Variants in IDH3A observed in about 807,000 individuals in gnomAD.
IDH3A encodes isocitrate dehydrogenase (NAD(+)) 3 catalytic subunit alpha, also known as isocitrate dehydrogenase [NAD] subunit alpha, mitochondrial.
A neutral mutation model predicts 43.3 loss-of-function variants in IDH3A; 23 were observed. The ratio of observed to expected loss-of-function variants is 0.53; its 90% CI spans 0.38 to 0.75. The LOEUF (loss-of-function observed/expected upper bound fraction) is 0.75. Ranked by LOEUF, IDH3A falls within the 30% of genes least tolerant of loss-of-function variation. The pLI is 0.00. For missense variants in IDH3A, 329 were observed against 474.4 expected (o/e 0.69, Z 2.85); for synonymous variants, 154 against 163.5 (o/e 0.94, Z 0.44).
At chr15:78,154,291 T>G (rs2074606421) in intron 1 of IDH3A, 17 of 152,026 alleles carry the variant, frequency 1.1e-4, no homozygotes, top group Admixed American at 1.1e-3. Context: ...CCCAGCAAAC[T>G]GACAGTAATG....
chr15:78,153,341 G>A (rs2074595034), intron 1 of IDH3A, among the ~76,000 whole-genome samples: 3 of 152,232 alleles, frequency 2.0e-5, no homozygotes, highest in Non-Finnish European at 2.9e-5. Context: ...AAGGACATGA[G>A]TTTTGTGTGA....
chr15:78,166,481 T>C, intron 10 of IDH3A, 179 bp downstream of exon 10: 1 of 661,112 alleles, frequency 1.5e-6, no homozygotes, highest in South Asian at 1.8e-5. Flanking sequence ...ATGTGTGCAT[T>C]TTCTGAGGTG....
intron 1 of IDH3A, among the ~76,000 whole-genome samples, chr15:78,153,609 GT>G (rs1189476388): frequency 6.6e-6 from 1 of 152,192 alleles, no homozygotes; most frequent in Non-Finnish European, 1.5e-5. Context: ...TTGGCTGTTG[GT>G]TGTTACCAAT....
chr15:78,151,842 C>T (rs1169760730), intron 1 of IDH3A, among the ~76,000 whole-genome samples: 1 of 151,868 alleles, frequency 6.6e-6, no homozygotes, highest in Non-Finnish European at 1.5e-5. Flanking sequence ...AGTAGAAGTC[C>T]TGCCATCTCA....
intron 1 of IDH3A, among the ~76,000 whole-genome samples, chr15:78,150,651 TTGAG>T (rs1303885972): frequency 1.3e-5 from 2 of 152,242 alleles, no homozygotes; most frequent in Non-Finnish European, 2.9e-5. Context: ...ACAGAATTGT[TTGAG>T]TATTAAATAA....
At chr15:78,160,001 G>A (rs1218336091) in intron 3 of IDH3A, 91 bp from the exon 4 acceptor site, 9 of 794,044 alleles carry the variant, frequency 1.1e-5, no homozygotes, top group East Asian at 5.0e-5. Flanking sequence ...TCTCAAAAAC[G>A]AAGTTGAAAA....
chr15:78,161,596 C>A lies in IDH3A; in HGVS notation c.305C>A (p.Pro102Gln), dbSNP rs1308246871. 1 of 1,613,462 alleles carries A rather than the reference C, an allele frequency of 6.2e-7. No homozygotes were observed. Among genetic ancestry groups the A allele is most frequent in the Non-Finnish European group, 8.5e-7 (1 of 1,179,960 alleles). ...TGTATAACAGGCCCTTTGAAGACCCCAATAGCAGCCGGTCACCCATCTATG... is the reference window on the plus strand; with the variant it reads ...TGTATAACAGGCCCTTTGAAGACCCAAATAGCAGCCGGTCACCCATCTATG... ...KMGLKGPLKT[P>Q]IAAGHPSMNL... Residue 102 changes from proline (P) to glutamine (Q), a missense_variant, in exon 5 of 11, where the codon CCA becomes CAA. Pro to Gln is a moderately conservative substitution (Grantham distance 76). Transcript: ENST00000299518. This position sits in a 1 kb window ranked among gnomAD's most constrained non-coding sequence, Gnocchi z 4.8.
chr15:78,161,749 A>G lies in IDH3A; in HGVS notation c.458A>G (p.Tyr153Cys). The stretch of plus-strand genomic sequence containing the variant: ...ATTCGAGAGAACACAGAAGGAGAAT[A>G]CAGTGGAATTGAGCATGTGGTATGT... ...VTIRENTEGEYSGIEHVIVDG... is the reference protein window; with the variant it reads ...VTIRENTEGECSGIEHVIVDG... Residue 153 changes from tyrosine (Y) to cysteine (C), a missense_variant, in exon 5 of 11, where the codon TAC becomes TGC. This residue lies in a region of IDH3A where 212 missense variants were observed against 345.5 expected (regional missense o/e 0.61). Transcript: ENST00000299518. This position sits in a 1 kb window ranked among gnomAD's most constrained non-coding sequence, Gnocchi z 4.8. 6.2e-7 allele frequency: 1 copy of G among 1,614,140 alleles called. No individual in the cohort carries two copies. The highest frequency in any genetic ancestry group is 1.3e-5 in the African/African-American group (1 of 75,058).
At chr15:78,156,402 G>C (rs2074623559) in intron 2 of IDH3A, among the ~76,000 whole-genome samples, 1 of 152,146 alleles carries the variant, frequency 6.6e-6, no homozygotes, top group Admixed American at 6.5e-5. Flanking sequence ...AAGGCCAGGA[G>C]TTCGAGGCTG....
Position 78,168,905 on chromosome 15 carries a change from C to CT in IDH3A, c.1018-12dup. ...TTTGCGGATACATCTTTTATTTTTG[C>CT]TTTTTCCTTTTCTCAGAGCTTGACA... On this transcript the variant is annotated splice_polypyrimidine_tract_variant and intron_variant, in intron 10 of 10. Coordinates refer to ENST00000299518, the MANE Select transcript of IDH3A (RefSeq NM_005530.3). The CT allele has an allele frequency of 6.4e-7, 1 of 1,555,168 alleles. No homozygotes were observed. The highest frequency in any genetic ancestry group is 8.8e-7 in the Non-Finnish European group (1 of 1,132,766).
intron 6 of IDH3A, among the ~76,000 whole-genome samples, chr15:78,163,207 G>A (rs1303974516): frequency 1.3e-5 from 2 of 152,150 alleles, no homozygotes; most frequent in African/African-American, 2.4e-5. Flanking sequence ...ACCTTTTAAA[G>A]CAATTTTAAT....
intron 6 of IDH3A, among the ~76,000 whole-genome samples, 161 bp downstream of exon 6, chr15:78,162,528 C>T (rs909115456): frequency 4.0e-4 from 59 of 148,924 alleles, no homozygotes; most frequent in African/African-American, 1.4e-3. Flanking sequence ...CTGTCGGAGT[C>T]TCCTCTTTTC....
At chr15:78,160,640 C>T (rs1031397565) in intron 4 of IDH3A, among the ~76,000 whole-genome samples, 4 of 151,922 alleles carry the variant, frequency 2.6e-5, no homozygotes, top group Non-Finnish European at 4.4e-5. Context: ...TACAGGTGTG[C>T]CACCATGCCC....
Position 78,171,659 on chromosome 15 carries a change from G to C in IDH3A, c.*2654G>C. 1.4e-6 allele frequency: 1 copy of C among 708,966 alleles called. No homozygotes were observed. Among genetic ancestry groups the C allele is most frequent in the Non-Finnish European group, 2.4e-6 (1 of 414,432 alleles). 43.9% of individuals were successfully genotyped at this position (708,966 alleles called of 1,614,324 possible). A position where few individuals can be genotyped will look rare whatever the true frequency, so the allele number is the denominator to read the frequency against. The stretch of plus-strand genomic sequence containing the variant: ...AGCCAGATAATCAGGACCGTCAGTA[G>C]CCAGCCTCCAAGACAGTGATCGCTC... On this transcript the variant is annotated 3_prime_UTR_variant, in exon 11 of 11. Coordinates refer to ENST00000299518, the MANE Select transcript of IDH3A (RefSeq NM_005530.3).
chr15:78,160,185 A>G lies in IDH3A; in HGVS notation c.268A>G (p.Lys90Glu), dbSNP rs1451924194. The change falls in exon 4 of 11, where the codon AAG (lysine) becomes GAG (glutamate). Residue 90 changes from lysine to glutamate, a missense_variant. Lys to Glu is a moderately conservative substitution (Grantham distance 56). Around this residue, in one of 3 missense-constraint regions of IDH3A, gnomAD observed 212 missense variants for 345.5 expected, o/e 0.61. Coordinates refer to ENST00000299518, the MANE Select transcript of IDH3A (RefSeq NM_005530.3). Reference sequence around the variant, plus strand: ...TTCAGAGGCTAAAGAGTCCATGGATAAGAACAAGATGGGCTTGAAAGGTAG... The same window carrying G: ...TTCAGAGGCTAAAGAGTCCATGGATGAGAACAAGATGGGCTTGAAAGGTAG... ...IPSEAKESMD[K>E]NKMGLKGPLK... is the part of the protein sequence containing the mutation. 2.5e-6 allele frequency: 4 copies of G among 1,605,760 alleles called. No homozygotes were observed. Among genetic ancestry groups the G allele is most frequent in the African/African-American group, 2.7e-5 (2 of 74,748 alleles).
intron 1 of IDH3A, chr15:78,150,997 A>C (rs544462282): frequency 6.6e-6 from 1 of 152,374 alleles, no homozygotes; most frequent in South Asian, 2.1e-4. Flanking sequence ...GCACTAAAGC[A>C]ACACTTGATA....
chr15:78,155,061 T>C (rs2074612869), intron 1 of IDH3A, 152 bp from the exon 2 acceptor site: 2 of 468,938 alleles, frequency 4.3e-6, no homozygotes, highest in East Asian at 3.3e-5. Flanking sequence ...GCTTGCCACA[T>C]TGAGCTAATA....
chr15:78,162,630 C>G (rs1276788783), intron 6 of IDH3A, among the ~76,000 whole-genome samples: 1 of 151,026 alleles, frequency 6.6e-6, no homozygotes, highest in Non-Finnish European at 1.5e-5. Flanking sequence ...ACTGCAACCT[C>G]CGCCTCCCGG....
At chr15:78,166,343 T>C (rs374554208) in intron 10 of IDH3A, 41 bp downstream of exon 10, 30 of 1,595,396 alleles carry the variant, frequency 1.9e-5, no homozygotes, top group Non-Finnish European at 2.5e-5. Context: ...GTAAAATGCA[T>C]TGCTTCCATG....
Sources: allele counts gnomAD v4.1 joint callset (sites outside exome capture counted in the v4.1 genomes callset), GRCh38; gene constraint gnomAD v4.1.1; regional missense constraint gnomAD v4.1.1; non-coding constraint Gnocchi (gnomAD v3.1); transcripts MANE v1.5; gene names NCBI Gene and HGNC (gene_info 2026-07-23, HGNC 2026-07-21).